MYRIP: variants seen among roughly 807,000 people sequenced by gnomAD.
The protein encoded by MYRIP is rab effector MyRIP.
In MYRIP, 49 loss-of-function variants were observed where a neutral mutation model predicts 98.0. The ratio of observed to expected loss-of-function variants is 0.50; its 90% CI spans 0.40 to 0.63. The LOEUF is 0.63. Ranked by LOEUF, MYRIP falls within the 30% of genes least tolerant of loss-of-function variation. MYRIP has a pLI of 0.00. For missense variants in MYRIP, 1,004 were observed against 1,058.2 expected (o/e 0.95, Z 0.71); for synonymous variants, 404 against 409.5 (o/e 0.99, Z 0.16).
At chr3:40,080,077 C>T (rs979329959) in intron 3 of MYRIP, among the ~76,000 whole-genome samples, 1 of 152,170 alleles carries the variant, frequency 6.6e-6, no homozygotes, top group African/African-American at 2.4e-5. Context: ...AAGGGAAATA[C>T]TGTTACCATT....
chr3:39,866,176 G>T (rs1942614998), intron 1 of MYRIP, among the ~76,000 whole-genome samples: 1 of 151,970 alleles, frequency 6.6e-6, no homozygotes. Context: ...CCTACTTGAG[G>T]GTAGGGAGGG....
intron 1 of MYRIP, 23 bp from the exon 2 acceptor site, chr3:39,900,764 C>T (rs900852206): frequency 4.6e-6 from 6 of 1,291,036 alleles, no homozygotes; most frequent in Non-Finnish European, 6.7e-6. Flanking sequence ...TTTTATCTTG[C>T]TTGTATCATT....
At chr3:39,915,117 CT>C (rs1171056469) in intron 2 of MYRIP, among the ~76,000 whole-genome samples, 2 of 152,070 alleles carry the variant, frequency 1.3e-5, no homozygotes, top group Admixed American at 1.3e-4. Flanking sequence ...TCCCCTGGAA[CT>C]TCTTAGCAAC....
chr3:40,153,916 C>T (rs997266272), intron 4 of MYRIP, among the ~76,000 whole-genome samples: 3 of 151,998 alleles, frequency 2.0e-5, no homozygotes, highest in Non-Finnish European at 2.9e-5. Flanking sequence ...CTGAGGCAGG[C>T]AGATCACAAG....
intron 2 of MYRIP, among the ~76,000 whole-genome samples, chr3:39,999,276 T>C (rs369135547): frequency 6.6e-6 from 1 of 152,190 alleles, no homozygotes; most frequent in Non-Finnish European, 1.5e-5. Flanking sequence ...TGCAGTCTAC[T>C]CATCTGACAA....
chr3:40,239,144 G>C (rs1254906308), intron 12 of MYRIP, among the ~76,000 whole-genome samples: 1 of 149,306 alleles, frequency 6.7e-6, no homozygotes, highest in Non-Finnish European at 1.5e-5. Context: ...ATCTATGAGT[G>C]AGAATATGCA....
intron 11 of MYRIP, among the ~76,000 whole-genome samples, chr3:40,232,652 C>G (rs1232069439): frequency 6.6e-6 from 1 of 152,146 alleles, no homozygotes; most frequent in African/African-American, 2.4e-5. Flanking sequence ...AGATGGAAAC[C>G]ATGACTGCCA....
At chr3:40,228,287 A>G (rs755077480) in intron 11 of MYRIP, among the ~76,000 whole-genome samples, 2 of 152,240 alleles carry the variant, frequency 1.3e-5, no homozygotes, top group Non-Finnish European at 2.9e-5. Context: ...CCTTTCCTCC[A>G]TAAAACATAT....
intron 3 of MYRIP, among the ~76,000 whole-genome samples, chr3:40,045,921 T>C (rs1029793102): frequency 3.9e-5 from 6 of 152,108 alleles, no homozygotes; most frequent in African/African-American, 1.4e-4. Context: ...AAGTAGTATC[T>C]GGTAAAGTCA....
At chr3:40,168,539 A>G (rs1950546309) in intron 7 of MYRIP, among the ~76,000 whole-genome samples, 1 of 152,244 alleles carries the variant, frequency 6.6e-6, no homozygotes, top group African/African-American at 2.4e-5. Context: ...TAAATCAAGG[A>G]CTATCTGTAT....
At chr3:40,149,298 T>G (rs951305793) in intron 3 of MYRIP, among the ~76,000 whole-genome samples, 2 of 152,168 alleles carry the variant, frequency 1.3e-5, no homozygotes, top group Non-Finnish European at 2.9e-5. Flanking sequence ...CAACCAGCTC[T>G]TGAGTGAACT....
At chr3:40,177,895 C>G (rs776900389) in intron 8 of MYRIP, among the ~76,000 whole-genome samples, 18 of 152,192 alleles carry the variant, frequency 1.2e-4, no homozygotes, top group Non-Finnish European at 1.8e-4. Flanking sequence ...ATTTTCTCAG[C>G]CTTTTCCCTT....
chr3:40,063,029 G>T (rs1158727215), intron 3 of MYRIP, among the ~76,000 whole-genome samples: 1 of 152,212 alleles, frequency 6.6e-6, no homozygotes, highest in African/African-American at 2.4e-5. Context: ...GGAGATGTTG[G>T]TGTGAAGCTT....
rs763879430 is a variant in MYRIP, at chr3:40,192,309, C to CAT, written c.1665+1861_1665+1862dup. On this transcript the variant is annotated intron_variant, in intron 10 of 16. Transcript: ENST00000302541. ...ATTTACTGCGGCAGTTAGTTTTCTTCATATATATATATATATGTCATATAT... is the reference window on the plus strand; with the variant it reads ...ATTTACTGCGGCAGTTAGTTTTCTTCATATATATATATATATATGTCATATAT... Among the ~76,000 whole-genome samples, 391 of 57,954 alleles carry CAT rather than the reference C, an allele frequency of 6.7e-3. 57 individuals are homozygous for CAT. Among genetic ancestry groups the CAT allele is most frequent in the African/African-American group, 0.016 (144 of 8,976 alleles). The allele number at this position is 57,954 out of a possible 152,430, so 38.0% of individuals were successfully genotyped here.
chr3:39,910,652 C>T (rs1369259722), intron 2 of MYRIP, among the ~76,000 whole-genome samples: 1 of 152,166 alleles, frequency 6.6e-6, no homozygotes, highest in East Asian at 1.9e-4. Flanking sequence ...ATTGATTACA[C>T]ATTGAAATGT....
At chr3:39,956,916 C>T (rs1945180871) in intron 2 of MYRIP, among the ~76,000 whole-genome samples, 2 of 151,810 alleles carry the variant, frequency 1.3e-5, no homozygotes, top group South Asian at 2.1e-4. Context: ...CACAAATAAA[C>T]TAGAAAATCT....
At chr3:39,872,974 T>C (rs1229665265) in intron 1 of MYRIP, among the ~76,000 whole-genome samples, 1 of 152,234 alleles carries the variant, frequency 6.6e-6, no homozygotes, top group Non-Finnish European at 1.5e-5. Context: ...AGTGTTCCTA[T>C]TTCTCCATAT....
intron 3 of MYRIP, among the ~76,000 whole-genome samples, chr3:40,054,176 A>G (rs1371185058): frequency 1.3e-5 from 2 of 152,164 alleles, no homozygotes; most frequent in Non-Finnish European, 2.9e-5. Context: ...ATGACCTTGC[A>G]CATGAGGTGC....
chr3:39,994,911 G>A (rs535396605), intron 2 of MYRIP, among the ~76,000 whole-genome samples: 1 of 152,320 alleles, frequency 6.6e-6, no homozygotes, highest in Admixed American at 6.5e-5. Flanking sequence ...CTCTGCTGCT[G>A]ATACCCAGGC....
Sources: gnomAD v4.1 joint callset for allele counts (sites outside exome capture counted in the v4.1 genomes callset) on GRCh38, gnomAD v4.1.1 for gene constraint, MANE v1.5 for transcripts, NCBI Gene and HGNC (gene_info 2026-07-23, HGNC 2026-07-21) for gene names.